The following TC2N variants were observed in gnomAD, a reference collection of about 807,000 sequenced individuals.
TC2N encodes the protein tandem C2 domains, nuclear.
Under a neutral mutation model 61.9 loss-of-function variants are expected in TC2N, and 51 were observed. That is an observed-to-expected ratio of 0.82 (90% CI 0.66 to 1.04). The LOEUF is 1.04. TC2N is among the 50% of genes least tolerant of loss of function. The pLI, the probability that TC2N is intolerant of heterozygous loss-of-function variation, is 0.00. For missense variants in TC2N, 556 were observed against 566.7 expected, an observed-to-expected ratio of 0.98 and a Z score of 0.19; for synonymous variants, 204 against 192.6, an observed-to-expected ratio of 1.06 and a Z score of -0.49.
At chr14:91,860,968 C>T (rs970573097) in intron 1 of TC2N, among the ~76,000 whole-genome samples, 1 of 152,202 alleles carries the variant, frequency 6.6e-6, no homozygotes, top group African/African-American at 2.4e-5. Context: ...ACTGCACTGT[C>T]CTGTATTTAA....
At chr14:91,819,673 GT>G (rs1271476069) in intron 1 of TC2N, among the ~76,000 whole-genome samples, 1 of 152,064 alleles carries the variant, frequency 6.6e-6, no homozygotes, top group African/African-American at 2.4e-5. Context: ...TTCTTTACAA[GT>G]TTATTAAAGC....
intron 1 of TC2N, among the ~76,000 whole-genome samples, chr14:91,858,117 C>T (rs1292750087): frequency 6.7e-6 from 1 of 149,876 alleles, no homozygotes; most frequent in Non-Finnish European, 1.5e-5. Context: ...AGGCATGCAC[C>T]ACTATGCTTG....
intron 3 of TC2N, among the ~76,000 whole-genome samples, chr14:91,806,461 T>G (rs972089593): frequency 3.9e-5 from 6 of 152,112 alleles, no homozygotes; most frequent in African/African-American, 1.2e-4. Context: ...ACATAGACAA[T>G]GAAATCCAGG....
chr14:91,863,763 A>C (rs1888639713), intron 1 of TC2N, among the ~76,000 whole-genome samples: 1 of 148,856 alleles, frequency 6.7e-6, no homozygotes, highest in African/African-American at 2.5e-5. Context: ...AGGTGAAAGG[A>C]TCACTTGACG....
intron 3 of TC2N, among the ~76,000 whole-genome samples, chr14:91,803,426 CACAT>C (rs1375620155): frequency 1.5e-5 from 1 of 66,610 alleles, no homozygotes; most frequent in African/African-American, 5.1e-5. Context: ...CACACACACA[CACAT>C]ATATATATAT....
chr14:91,830,490 A>C (rs546126415), intron 1 of TC2N, among the ~76,000 whole-genome samples: 10 of 152,256 alleles, frequency 6.6e-5, no homozygotes, highest in Non-Finnish European at 1.0e-4. Flanking sequence ...TGAAATGGCC[A>C]GAATAGGCAA....
At chr14:91,863,378 C>T (rs1888632404) in intron 1 of TC2N, among the ~76,000 whole-genome samples, 1 of 152,176 alleles carries the variant, frequency 6.6e-6, no homozygotes, top group African/African-American at 2.4e-5. Context: ...AATTGGGCAG[C>T]TCACGCCTAA....
chr14:91,790,057 C>T (rs1011942028), intron 9 of TC2N, among the ~76,000 whole-genome samples: 1 of 152,150 alleles, frequency 6.6e-6, no homozygotes, highest in African/African-American at 2.4e-5. Flanking sequence ...GCTGTATAAC[C>T]TCAGGCAAGT....
chr14:91,814,146 G>T (rs896281254), intron 1 of TC2N, among the ~76,000 whole-genome samples: 16 of 151,080 alleles, frequency 1.1e-4, no homozygotes, highest in African/African-American at 3.9e-4. Flanking sequence ...CAAGAGGGGT[G>T]TGTTTATGAG....
At chr14:91,817,982 G>A (rs1043960960) in intron 1 of TC2N, among the ~76,000 whole-genome samples, 1 of 152,064 alleles carries the variant, frequency 6.6e-6, no homozygotes, top group African/African-American at 2.4e-5. Flanking sequence ...AAAATATATG[G>A]AACAGCAATT....
Position 91,800,434 on chromosome 14 carries a change from C to T in TC2N, c.470-62G>A, listed in dbSNP as rs912331837. The T allele has an allele frequency of 3.6e-5, 32 of 896,444 alleles. No homozygotes were observed. The Admixed American group carries it at 4.3e-4, about 12-fold the overall frequency. 55.5% of individuals were successfully genotyped at this position (896,444 alleles called of 1,614,324 possible). A position where few individuals can be genotyped will look rare whatever the true frequency, so the allele number is the denominator to read the frequency against. ...AAACACTGGAATTCTACTTAATTAC[C>T]ATGAACTAAATCTCTGTAGCAATAC... On this transcript the variant is annotated intron_variant, in intron 4 of 11. Coordinates refer to ENST00000435962, the MANE Select transcript of TC2N (RefSeq NM_001128596.3).
intron 1 of TC2N, among the ~76,000 whole-genome samples, chr14:91,834,892 T>C (rs1168157091): frequency 6.6e-6 from 1 of 152,214 alleles, no homozygotes; most frequent in African/African-American, 2.4e-5. Context: ...GAATGATTTC[T>C]TACACCCTTA....
intron 1 of TC2N, among the ~76,000 whole-genome samples, chr14:91,847,931 G>A (rs1158899134): frequency 6.6e-6 from 1 of 152,164 alleles, no homozygotes; most frequent in African/African-American, 2.4e-5. Context: ...CATTATGTAA[G>A]TTTCATCCTA....
At chr14:91,795,634 T>C (rs1297881015) in intron 8 of TC2N, among the ~76,000 whole-genome samples, 3 of 152,180 alleles carry the variant, frequency 2.0e-5, no homozygotes, top group Non-Finnish European at 4.4e-5. Flanking sequence ...ATAATGCTAT[T>C]GCACACTTAA....
At chr14:91,852,498 T>C (rs1888395588) in intron 1 of TC2N, among the ~76,000 whole-genome samples, 1 of 152,176 alleles carries the variant, frequency 6.6e-6, no homozygotes, top group African/African-American at 2.4e-5. Context: ...TTGATCACAT[T>C]TCCTAAAGCA....
intron 1 of TC2N, among the ~76,000 whole-genome samples, chr14:91,861,584 G>C (rs1255059687): frequency 2.0e-5 from 3 of 152,198 alleles, no homozygotes; most frequent in Non-Finnish European, 2.9e-5. Flanking sequence ...GAAGAAACAA[G>C]AGGAGGAAGT....
intron 8 of TC2N, among the ~76,000 whole-genome samples, chr14:91,795,110 G>C (rs902896885): frequency 6.6e-6 from 1 of 152,140 alleles, no homozygotes; most frequent in Non-Finnish European, 1.5e-5. Context: ...AGTGGATCCT[G>C]AAGATGCAAT....
intron 1 of TC2N, among the ~76,000 whole-genome samples, chr14:91,823,818 T>G (rs1409730464): frequency 6.6e-6 from 1 of 152,196 alleles, no homozygotes; most frequent in Non-Finnish European, 1.5e-5. Flanking sequence ...TCCTGTAACT[T>G]TCACTTATTA....
chr14:91,865,083 C>T (rs184494791), intron 1 of TC2N, among the ~76,000 whole-genome samples: 3 of 152,300 alleles, frequency 2.0e-5, no homozygotes, highest in East Asian at 3.9e-4. Context: ...CTGCCTTCAT[C>T]TTTACATTAT....
Sources: allele counts gnomAD v4.1 joint callset (sites outside exome capture counted in the v4.1 genomes callset), GRCh38; gene constraint gnomAD v4.1.1; transcripts MANE v1.5; gene names NCBI Gene and HGNC (gene_info 2026-07-23, HGNC 2026-07-21).